Variants in RIF1 observed in about 807,000 individuals in gnomAD.
RIF1 encodes replication timing regulatory factor 1, also known as telomere-associated protein RIF1.
Under a neutral mutation model 247.1 loss-of-function variants are expected in RIF1, and 45 were observed. That is an observed-to-expected ratio of 0.18 (90% CI 0.14 to 0.23). The LOEUF is 0.23. Ranked by LOEUF, RIF1 falls within the 10% of genes least tolerant of loss-of-function variation. The pLI is 1.00. For synonymous variants in RIF1, 1,087 were observed against 978.8 expected (o/e 1.11, Z -2.06); for missense variants, 2,967 against 2,862.5 (o/e 1.04, Z -0.83).
intron 34 of RIF1, among the ~76,000 whole-genome samples, chr2:151,471,587 T>C (rs944434281): frequency 4.6e-5 from 7 of 152,364 alleles, no homozygotes; most frequent in South Asian, 2.1e-4. Flanking sequence ...TTTCTACATA[T>C]GGCTAGCCAG....
Position 151,474,027 on chromosome 2 carries a change from A to T in RIF1, c.7159A>T (p.Ile2387Leu). 2 of 1,590,528 alleles carry T rather than the reference A, an allele frequency of 1.3e-6. No homozygotes were observed. Residue 2387 changes from isoleucine to leucine, a missense_variant, in exon 35 of 36, where the codon ATA becomes TTA. Ile to Leu is a conservative substitution (Grantham distance 5). Transcript: ENST00000444746. ...FDISEKTVNG[I>L]ENKSLSPDEE... ...TATTTCTGAAAAAACAGTAAATGGA[A>T]TAGAAAATAAATCTTTGTCACCTGA... is the stretch of plus-strand genomic sequence containing the variant.
the RIF1 span, chr2:151,513,661 G>C: frequency 4.4e-6 from 7 of 1,607,704 alleles, no homozygotes; most frequent in Non-Finnish European, 5.9e-6. Flanking sequence ...CTCTTCCTTT[G>C]ACTTCCAGTT....
At chr2:151,467,511 A>C (rs1015227929) in intron 30 of RIF1, among the ~76,000 whole-genome samples, 1 of 151,908 alleles carries the variant, frequency 6.6e-6, no homozygotes, top group Non-Finnish European at 1.5e-5. Flanking sequence ...AGCCCAGCTA[A>C]TTTTTGTACT....
chr2:151,410,707 ACTG>A (rs1686011983), intron 2 of RIF1, among the ~76,000 whole-genome samples, 180 bp downstream of exon 2: 1 of 152,092 alleles, frequency 6.6e-6, no homozygotes, highest in African/African-American at 2.4e-5. Flanking sequence ...GTTCCCGGGT[ACTG>A]CTGCTGCTGC....
At chr2:151,410,106 G>C in intron 1 of RIF1, 73 bp downstream of exon 1, 1 of 694,448 alleles carries the variant, frequency 1.4e-6, no homozygotes, top group South Asian at 1.5e-5. Flanking sequence ...GCCCCCTCGC[G>C]GCGAGATGCC....
chr2:151,471,418 G>C (rs533741720), intron 34 of RIF1, among the ~76,000 whole-genome samples: 1 of 152,260 alleles, frequency 6.6e-6, no homozygotes, highest in South Asian at 2.1e-4. Context: ...CATTGCTTTT[G>C]GTGTTTTAGA....
chr2:151,455,282 A>G, intron 22 of RIF1, 123 bp downstream of exon 22: 1 of 629,444 alleles, frequency 1.6e-6, no homozygotes, highest in Admixed American at 3.5e-5. Flanking sequence ...GGAGAGGATA[A>G]TAAACTACAC....
intron 11 of RIF1, among the ~76,000 whole-genome samples, 188 bp downstream of exon 11, chr2:151,435,768 T>G (rs75364982): frequency 0.029 from 4,136 of 144,824 alleles, 72 homozygotes; most frequent in African/African-American, 0.051. Context: ...CTGTTTTTTG[T>G]TTTTTTTTTT....
chr2:151,465,968 G>A lies in RIF1; in HGVS notation c.6448G>A (p.Glu2150Lys). ...DNNASPQKLR[E>K]LDPSLVSAND... ...TAATGCATCTCCTCAAAAACTAAGG[G>A]AACTTGATCCTTCACTTGTGTCAGC... Residue 2150 changes from glutamate (E) to lysine (K), a missense_variant, in exon 30 of 36, where the codon GAA becomes AAA. Physicochemically the swap from Glu to Lys is moderately conservative, Grantham distance 56. Transcript: ENST00000444746. 1 of 1,614,062 alleles carries A rather than the reference G, an allele frequency of 6.2e-7. No homozygotes were observed. The highest frequency in any genetic ancestry group is 8.5e-7 in the Non-Finnish European group (1 of 1,179,966).
rs752396578 is a variant in RIF1 at position 151,465,836 on chromosome 2, G to C, written c.6316G>C (p.Glu2106Gln). The C allele has an allele frequency of 2.5e-6, 4 of 1,613,260 alleles. No individual in the cohort carries two copies. The highest frequency in any genetic ancestry group is 3.4e-6 in the Non-Finnish European group (4 of 1,179,194). ...ATTAGATAACAATCAAATGGTAATG[G>C]AAAGTGATATTTTACAGGAAGATCA... Reference protein sequence around the residue: ...EKLDNNQMVMESDILQEDHHT... With the variant: ...EKLDNNQMVMQSDILQEDHHT... Residue 2106 changes from glutamate to glutamine, a missense_variant, in exon 30 of 36, where the codon GAA (glutamate) becomes CAA (glutamine). Glu to Gln is a conservative substitution (Grantham distance 29). Coordinates refer to ENST00000444746, the MANE Select transcript of RIF1 (RefSeq NM_018151.5).
the RIF1 span, chr2:151,524,540 G>A: frequency 5.5e-5 from 88 of 1,613,506 alleles, no homozygotes; most frequent in South Asian, 4.9e-4. Flanking sequence ...GGCTGCCTGT[G>A]TGGCCTTCTT....
chr2:151,486,007 ATC>A, downstream of RIF1: 1 of 1,464,374 alleles, frequency 6.8e-7, no homozygotes, highest in Non-Finnish European at 9.4e-7. Flanking sequence ...TATTTGTAAG[ATC>A]TCTCATGACT....
chr2:151,474,620 G>A (rs1017843305), intron 35 of RIF1, among the ~76,000 whole-genome samples: 11 of 152,150 alleles, frequency 7.2e-5, no homozygotes, highest in Non-Finnish European at 1.2e-4. Context: ...AGGTTGCAGT[G>A]AGCTGAGATT....
At chr2:151,473,191 TGGTTA>T (rs2048689101) in intron 34 of RIF1, among the ~76,000 whole-genome samples, 1 of 152,132 alleles carries the variant, frequency 6.6e-6, no homozygotes, top group East Asian at 1.9e-4. Context: ...CTGAGTCATG[TGGTTA>T]CTGAACTTAT....
intron 15 of RIF1, 87 bp from the exon 16 acceptor site, chr2:151,441,818 A>G: frequency 1.7e-6 from 1 of 581,880 alleles, no homozygotes; most frequent in Non-Finnish European, 3.1e-6. Context: ...CATTACTTGT[A>G]ATTGTTAGAG....
the RIF1 span, chr2:151,527,483 C>CG: frequency 6.2e-7 from 1 of 1,610,214 alleles, no homozygotes; most frequent in Non-Finnish European, 8.5e-7. Context: ...TGTCTTACAT[C>CG]GCTTTGCTGC....
chr2:151,531,132 G>A, the RIF1 span: 1 of 1,381,812 alleles, frequency 7.2e-7, no homozygotes, highest in South Asian at 1.2e-5. Context: ...AAGACATCAT[G>A]TCATGCTTCT....
At position 151,463,265 on chromosome 2, in the gene RIF1, G is replaced by C; in HGVS notation, c.3745G>C (p.Val1249Leu). Residue 1249 changes from valine (V) to leucine (L), a missense_variant, in exon 30 of 36, where the codon GTG (valine) becomes CTG (leucine). Val to Leu is a conservative substitution (Grantham distance 32). Coordinates refer to ENST00000444746, the MANE Select transcript of RIF1 (RefSeq NM_018151.5). ...PLNNISSTVT[V>L]KNNQETMIKT... ...GAATAATATTTCATCAACTGTTACAGTGAAAAATAACCAGGAAACCATGAT... is the reference window on the plus strand; with the variant it reads ...GAATAATATTTCATCAACTGTTACACTGAAAAATAACCAGGAAACCATGAT... 6.2e-7 allele frequency: 1 copy of C among 1,613,128 alleles called. No homozygotes were observed. Among genetic ancestry groups the C allele is most frequent in the Non-Finnish European group, 8.5e-7 (1 of 1,179,804 alleles).
chr2:151,485,581 GTGTC>G, downstream of RIF1: 1 of 485,188 alleles, frequency 2.1e-6, no homozygotes, highest in Non-Finnish European at 3.6e-6. Context: ...AGCTTTTAAA[GTGTC>G]TGTTCTGCAA....
Sources: allele counts gnomAD v4.1 joint callset (sites outside exome capture counted in the v4.1 genomes callset), GRCh38; gene constraint gnomAD v4.1.1; transcripts MANE v1.5; gene names NCBI Gene and HGNC (gene_info 2026-07-23, HGNC 2026-07-21).